SLC17A5: variants seen among roughly 807,000 people sequenced by gnomAD.
The protein encoded by SLC17A5 is solute carrier family 17 member 5, also known as sialin.
Under a neutral mutation model 59.4 loss-of-function variants are expected in SLC17A5, and 47 were observed. That is an observed-to-expected ratio of 0.79 (90% CI 0.63 to 1.01). The LOEUF (loss-of-function observed/expected upper bound fraction) is 1.01. Among genes scored for constraint, SLC17A5 ranks in the 50% least tolerant of loss-of-function variants. The pLI is 0.00. For missense variants in SLC17A5, 522 were observed against 595.5 expected (o/e 0.88, Z 1.28); for synonymous variants, 202 against 210.7 (o/e 0.96, Z 0.36).
intron 6 of SLC17A5, among the ~76,000 whole-genome samples, chr6:73,629,719 G>C (rs377629215): frequency 1.3e-4 from 20 of 152,056 alleles, no homozygotes; most frequent in African/African-American, 3.4e-4. Flanking sequence ...AGGTTGCAGT[G>C]AGCCAGGATC....
chr6:73,644,888 T>C (rs1769469004), intron 1 of SLC17A5, among the ~76,000 whole-genome samples: 2 of 152,174 alleles, frequency 1.3e-5, no homozygotes, highest in African/African-American at 4.8e-5. Context: ...ATTAAGCAAA[T>C]CTAAGAAACA....
rs772365253 is a variant in SLC17A5 at position 73,653,831 on chromosome 6, C to T, written c.56G>A (p.Arg19His). 2.4e-5 allele frequency: 39 copies of T among 1,603,312 alleles called. No individual in the cohort carries two copies. Among genetic ancestry groups the T allele is most frequent in the Non-Finnish European group, 3.1e-5 (37 of 1,176,090 alleles). The part of the protein sequence containing the change: ...ARNDGEESTD[R>H]TPLLPGAPRA... ...TGGGGCGCCCGGTAGAAGAGGCGTG[C>T]GGTCCGTGCTCTCCTCGCCATCGTT... The change falls in exon 1 of 11, where the codon CGC becomes CAC. Residue 19 changes from arginine to histidine, a missense_variant. Arg to His is a conservative substitution (Grantham distance 29). Coordinates refer to ENST00000355773, the MANE Select transcript of SLC17A5 (RefSeq NM_012434.5).
At chr6:73,616,011 G>A (rs920505771) in intron 7 of SLC17A5, among the ~76,000 whole-genome samples, 2 of 147,986 alleles carry the variant, frequency 1.4e-5, no homozygotes, top group South Asian at 2.2e-4. Context: ...TCAGCCTCCC[G>A]AGTAGCTGGG....
intron 6 of SLC17A5, among the ~76,000 whole-genome samples, chr6:73,632,124 C>T (rs185585669): frequency 1.0e-4 from 15 of 150,204 alleles, no homozygotes; most frequent in South Asian, 2.1e-4. Flanking sequence ...ATCATCATAG[C>T]GAGACTCCGT....
chr6:73,597,268 C>G (rs1441175281), intron 10 of SLC17A5, among the ~76,000 whole-genome samples: 1 of 149,046 alleles, frequency 6.7e-6, no homozygotes, highest in Admixed American at 6.7e-5. Flanking sequence ...GAGATGGAGA[C>G]TGTCCTGGCT....
At chr6:73,599,872 C>T (rs902423210) in intron 10 of SLC17A5, among the ~76,000 whole-genome samples, 18 of 151,530 alleles carry the variant, frequency 1.2e-4, no homozygotes, top group African/African-American at 4.4e-4. Flanking sequence ...TGTTGGCTTA[C>T]TGCAACCTCC....
At chr6:73,596,667 T>C (rs1370583978) in intron 10 of SLC17A5, among the ~76,000 whole-genome samples, 1 of 151,094 alleles carries the variant, frequency 6.6e-6, no homozygotes, top group Non-Finnish European at 1.5e-5. Flanking sequence ...CCATCCTGGC[T>C]AACATGGTGA....
intron 9 of SLC17A5, among the ~76,000 whole-genome samples, chr6:73,605,630 A>AACACACACACAC (rs3045763): frequency 0.011 from 1,533 of 145,938 alleles, 37 homozygotes; most frequent in African/African-American, 0.036. Context: ...GCAAGGTTTA[A>AACACACACACAC]ACACACACAC....
intron 10 of SLC17A5, among the ~76,000 whole-genome samples, chr6:73,596,002 C>T (rs999459170): frequency 2.0e-5 from 3 of 150,066 alleles, no homozygotes; most frequent in East Asian, 1.9e-4. Flanking sequence ...GATGGGGTTT[C>T]GCCATGTTTC....
At chr6:73,617,428 G>T (rs1294976777) in intron 7 of SLC17A5, among the ~76,000 whole-genome samples, 1 of 152,206 alleles carries the variant, frequency 6.6e-6, no homozygotes, top group Non-Finnish European at 1.5e-5. Flanking sequence ...TAGTAGGAAA[G>T]TAAAAAAGAA....
At chr6:73,638,867 A>G (rs1356773281) in intron 3 of SLC17A5, among the ~76,000 whole-genome samples, 1 of 152,210 alleles carries the variant, frequency 6.6e-6, no homozygotes, top group Non-Finnish European at 1.5e-5. Context: ...TAAGACAACA[A>G]GATAAGGGTT....
At chr6:73,653,739 G>A in intron 1 of SLC17A5, 54 bp downstream of exon 1, 1 of 1,489,466 alleles carries the variant, frequency 6.7e-7, no homozygotes, top group Non-Finnish European at 9.1e-7. Context: ...CCCAGAGACC[G>A]CCGCCCCCGG....
chr6:73,609,192 G>A (rs1767531148), intron 9 of SLC17A5, among the ~76,000 whole-genome samples: 2 of 152,044 alleles, frequency 1.3e-5, no homozygotes, highest in Non-Finnish European at 2.9e-5. Flanking sequence ...TAAAACTTTT[G>A]GGTTAAAATA....
intron 6 of SLC17A5, among the ~76,000 whole-genome samples, chr6:73,631,710 A>T (rs985963117): frequency 4.0e-5 from 6 of 151,850 alleles, no homozygotes; most frequent in African/African-American, 1.5e-4. Context: ...TGTTCCAAAG[A>T]TGTCCTGTAC....
At chr6:73,637,935 T>G (rs1184032851) in intron 4 of SLC17A5, among the ~76,000 whole-genome samples, 3 of 152,098 alleles carry the variant, frequency 2.0e-5, no homozygotes, top group Non-Finnish European at 4.4e-5. Flanking sequence ...CAAATAAAGA[T>G]GCAATAGAAA....
intron 1 of SLC17A5, among the ~76,000 whole-genome samples, chr6:73,651,465 A>C (rs1769862410): frequency 6.7e-6 from 1 of 149,892 alleles, no homozygotes; most frequent in Non-Finnish European, 1.5e-5. Flanking sequence ...CGTCTCAAAA[A>C]AAAAAAAAAA....
At chr6:73,614,163 G>A (rs1277773963) in intron 8 of SLC17A5, among the ~76,000 whole-genome samples, 1 of 152,208 alleles carries the variant, frequency 6.6e-6, no homozygotes, top group African/African-American at 2.4e-5. Flanking sequence ...CTACTCAGGA[G>A]GCTGAGGTGG....
chr6:73,630,117 C>T (rs987855520), intron 6 of SLC17A5, among the ~76,000 whole-genome samples: 19 of 151,866 alleles, frequency 1.3e-4, no homozygotes, highest in Non-Finnish European at 2.8e-4. Context: ...CTCAGCCTCT[C>T]GAGTAGCTGG....
chr6:73,630,625 G>C (rs1349173595), intron 6 of SLC17A5, among the ~76,000 whole-genome samples: 2 of 152,086 alleles, frequency 1.3e-5, no homozygotes, highest in Non-Finnish European at 2.9e-5. Flanking sequence ...ACTTCCAGCT[G>C]TTCCTCCTCC....
Sources: gnomAD v4.1 joint callset for allele counts (sites outside exome capture counted in the v4.1 genomes callset) on GRCh38, gnomAD v4.1.1 for gene constraint, MANE v1.5 for transcripts, NCBI Gene and HGNC (gene_info 2026-07-23, HGNC 2026-07-21) for gene names.